Variants in SH3D19 observed in about 807,000 individuals in gnomAD.
SH3D19 encodes the protein SH3 domain containing 19.
In SH3D19, 58 loss-of-function variants were observed where a neutral mutation model predicts 112.1. The observed-to-expected ratio is 0.52, with a 90% CI of 0.42 to 0.64. The LOEUF is 0.64. SH3D19 is among the 30% of genes least tolerant of loss of function. The pLI, the probability that SH3D19 is intolerant of heterozygous loss-of-function variation, is 0.00. For missense variants in SH3D19, 1,090 were observed against 1,263.4 expected, an observed-to-expected ratio of 0.86 and a Z score of 2.08; for synonymous variants, 391 against 448.5, an observed-to-expected ratio of 0.87 and a Z score of 1.62.
intron 1 of SH3D19, among the ~76,000 whole-genome samples, chr4:151,234,334 T>C (rs192338596): frequency 5.3e-5 from 8 of 152,336 alleles, no homozygotes; most frequent in African/African-American, 1.9e-4. Context: ...GGGGTTCTTA[T>C]GTTAGTTGTT....
At chr4:151,260,090 T>G (rs1772256657) in intron 1 of SH3D19, among the ~76,000 whole-genome samples, 2 of 152,238 alleles carry the variant, frequency 1.3e-5, no homozygotes, top group African/African-American at 4.8e-5. Flanking sequence ...ATTTTTATTT[T>G]ATTTGTATGC....
At chr4:151,260,347 T>C (rs1289618335) in intron 1 of SH3D19, among the ~76,000 whole-genome samples, 1 of 152,168 alleles carries the variant, frequency 6.6e-6, no homozygotes, top group Middle Eastern at 3.2e-3. Flanking sequence ...GGTAACATGG[T>C]CAGAAAAGGT....
At chr4:151,208,681 CTT>C (rs35001186) in intron 2 of SH3D19, among the ~76,000 whole-genome samples, 167 of 139,748 alleles carry the variant, frequency 1.2e-3, no homozygotes, top group Middle Eastern at 3.6e-3. Flanking sequence ...CAGGAAATCT[CTT>C]TTTTTTTTTT....
chr4:151,252,531 G>A (rs540856353), intron 1 of SH3D19, among the ~76,000 whole-genome samples: 1 of 152,140 alleles, frequency 6.6e-6, no homozygotes, highest in Admixed American at 6.5e-5. Context: ...ACTTAGGTGG[G>A]CTCAATCCTT....
chr4:151,131,499 T>C (rs2149736440), intron 17 of SH3D19, among the ~76,000 whole-genome samples: 1 of 151,800 alleles, frequency 6.6e-6, no homozygotes, highest in Non-Finnish European at 1.5e-5. Flanking sequence ...TTTTTTCTTT[T>C]TTTTTGAGGC....
intron 2 of SH3D19, among the ~76,000 whole-genome samples, chr4:151,188,587 G>A (rs764193801): frequency 3.3e-5 from 5 of 152,124 alleles, no homozygotes; most frequent in African/African-American, 9.7e-5. Flanking sequence ...TCTGGATTTC[G>A]GATTAGGGAT....
At chr4:151,294,716 A>C (rs558165933) in intron 1 of SH3D19, among the ~76,000 whole-genome samples, 2 of 152,268 alleles carry the variant, frequency 1.3e-5, no homozygotes, top group African/African-American at 2.4e-5. Context: ...TACAGTAAAT[A>C]TAACAAATCA....
intron 2 of SH3D19, among the ~76,000 whole-genome samples, chr4:151,223,324 C>T (rs1309369436): frequency 6.6e-6 from 1 of 151,932 alleles, no homozygotes; most frequent in Non-Finnish European, 1.5e-5. Context: ...TGATGATTTT[C>T]TAAGTTCTGT....
chr4:151,299,006 C>T (rs1389176304), intron 1 of SH3D19, among the ~76,000 whole-genome samples: 21 of 152,208 alleles, frequency 1.4e-4, no homozygotes, highest in Non-Finnish European at 2.5e-4. Context: ...TCTAACCTTT[C>T]TTCTCATACT....
intron 13 of SH3D19, among the ~76,000 whole-genome samples, chr4:151,138,826 AT>A (rs1298595005): frequency 6.6e-6 from 1 of 152,004 alleles, no homozygotes; most frequent in East Asian, 1.9e-4. Context: ...CTTTATTACA[AT>A]TTTTTTGTTG....
At chr4:151,180,596 C>CG (rs1561293564) in intron 3 of SH3D19, among the ~76,000 whole-genome samples, 1 of 151,058 alleles carries the variant, frequency 6.6e-6, no homozygotes, top group African/African-American at 2.4e-5. Context: ...TTAGTAGATA[C>CG]GGGGTTTCAC....
chr4:151,305,761 G>A (rs903678184), intron 1 of SH3D19, among the ~76,000 whole-genome samples: 27 of 152,222 alleles, frequency 1.8e-4, no homozygotes, highest in African/African-American at 6.3e-4. Flanking sequence ...CTGGAAAACA[G>A]TTTGGAAATT....
chr4:151,292,232 GA>G (rs2150020205), intron 1 of SH3D19, among the ~76,000 whole-genome samples: 1 of 151,996 alleles, frequency 6.6e-6, no homozygotes, highest in South Asian at 2.1e-4. Flanking sequence ...CCAGGAGTTC[GA>G]GGCTGCAGTG....
chr4:151,235,794 A>T lies in SH3D19; in HGVS notation c.113-9708T>A, dbSNP rs72723779. On this transcript the variant is annotated intron_variant, in intron 1 of 19. Transcript: ENST00000604030. ...GAGCAAGACTCTGTCTCAAAAAAAAATTTTTTTTCTTACAAAATCAATTTG... is the reference window on the plus strand; with the variant it reads ...GAGCAAGACTCTGTCTCAAAAAAAATTTTTTTTTCTTACAAAATCAATTTG... Among the ~76,000 whole-genome samples the T allele has an allele frequency of 2.6e-3, 389 of 152,122 alleles. 2 individuals are homozygous for T. Among genetic ancestry groups the T allele is most frequent in the African/African-American group, 7.8e-3 (323 of 41,504 alleles).
At chr4:151,325,170 G>A (rs1056154005) in intron 1 of SH3D19, 71 bp downstream of exon 1, 30 of 848,802 alleles carry the variant, frequency 3.5e-5, no homozygotes, top group South Asian at 1.2e-4. Context: ...GCCGCTGTGT[G>A]GGGCAGGACC....
intron 11 of SH3D19, 71 bp downstream of exon 11, chr4:151,147,851 G>T: frequency 6.7e-7 from 1 of 1,487,784 alleles, no homozygotes. Context: ...CTTTTTCTAA[G>T]GAATGATGAA....
chr4:151,308,113 C>T (rs989320704), intron 1 of SH3D19, among the ~76,000 whole-genome samples: 2 of 152,104 alleles, frequency 1.3e-5, no homozygotes, highest in African/African-American at 4.8e-5. Context: ...ACCATGTTGG[C>T]CAGGCTGGTC....
intron 1 of SH3D19, among the ~76,000 whole-genome samples, chr4:151,241,815 T>C: frequency 6.6e-6 from 1 of 152,036 alleles, no homozygotes; most frequent in East Asian, 1.9e-4. Flanking sequence ...ATTTTAATAC[T>C]TATAGAAGTA....
chr4:151,245,854 GC>G (rs1237420511), intron 1 of SH3D19, among the ~76,000 whole-genome samples: 2 of 152,104 alleles, frequency 1.3e-5, no homozygotes, highest in Admixed American at 1.3e-4. Flanking sequence ...GCCTGCCTTG[GC>G]CTCCCAAAGT....
Sources: gnomAD v4.1 joint callset for allele counts (sites outside exome capture counted in the v4.1 genomes callset) on GRCh38, gnomAD v4.1.1 for gene constraint, MANE v1.5 for transcripts, NCBI Gene and HGNC (gene_info 2026-07-23, HGNC 2026-07-21) for gene names.